The following SGCZ variants were observed in gnomAD, a reference collection of about 807,000 sequenced individuals.
SGCZ encodes sarcoglycan zeta.
Under a neutral mutation model 41.3 loss-of-function variants are expected in SGCZ, and 40 were observed. The ratio of observed to expected loss-of-function variants is 0.97; its 90% CI spans 0.75 to 1.26. The LOEUF (loss-of-function observed/expected upper bound fraction) is 1.26. SGCZ is among the 50% of genes most tolerant of loss of function. SGCZ has a pLI of 0.00. For synonymous variants in SGCZ, 206 were observed against 137.5 expected (o/e 1.50, Z -3.49); for missense variants, 552 against 369.8 (o/e 1.49, Z -4.04).
intron 4 of SGCZ, among the ~76,000 whole-genome samples, chr8:14,184,194 G>A (rs1483540266): frequency 2.1e-5 from 3 of 145,392 alleles, no homozygotes; most frequent in Non-Finnish European, 4.4e-5. Context: ...AATAAGTACT[G>A]ATTTTAGGAT....
At chr8:15,015,656 C>G (rs1264381291) in intron 1 of SGCZ, among the ~76,000 whole-genome samples, 4 of 140,826 alleles carry the variant, frequency 2.8e-5, no homozygotes, top group African/African-American at 5.3e-5. Flanking sequence ...CCACTGCACT[C>G]CAGCGTAGGC....
chr8:14,697,292 C>T (rs912955386), intron 1 of SGCZ, among the ~76,000 whole-genome samples: 1 of 152,044 alleles, frequency 6.6e-6, no homozygotes, highest in Non-Finnish European at 1.5e-5. Context: ...GCAAATCTCT[C>T]TGAGCCTGTT....
chr8:14,468,391 T>C (rs1801111794), intron 2 of SGCZ, among the ~76,000 whole-genome samples: 1 of 152,114 alleles, frequency 6.6e-6, no homozygotes, highest in African/African-American at 2.4e-5. Context: ...TTATTTTAAA[T>C]ATCTTGCTCT....
At chr8:14,562,995 A>C (rs1804252569) in intron 1 of SGCZ, among the ~76,000 whole-genome samples, 1 of 152,178 alleles carries the variant, frequency 6.6e-6, no homozygotes, top group Non-Finnish European at 1.5e-5. Flanking sequence ...AATTATTATA[A>C]TCCAAAGAGA....
chr8:14,128,909 T>C (rs761666984), intron 5 of SGCZ, among the ~76,000 whole-genome samples: 21 of 152,144 alleles, frequency 1.4e-4, no homozygotes, highest in Non-Finnish European at 2.1e-4. Context: ...AGTGGAATAA[T>C]TGACAATAGA....
chr8:14,192,221 T>G (rs930748121), intron 4 of SGCZ, among the ~76,000 whole-genome samples: 1 of 152,038 alleles, frequency 6.6e-6, no homozygotes, highest in African/African-American at 2.4e-5. Context: ...TCTTTTTATT[T>G]AGCAATTATT....
intron 1 of SGCZ, among the ~76,000 whole-genome samples, chr8:14,851,413 G>C (rs567324181): frequency 3.7e-5 from 5 of 135,796 alleles, no homozygotes; most frequent in African/African-American, 1.1e-4. Flanking sequence ...AAAGAAAAAA[G>C]TATTCAAGGT....
At chr8:15,223,848 T>C (rs1377309444) in intron 1 of SGCZ, among the ~76,000 whole-genome samples, 1 of 138,804 alleles carries the variant, frequency 7.2e-6, no homozygotes, top group Non-Finnish European at 1.5e-5. Context: ...AAAAGCTCCT[T>C]TTTAAATTTT....
intron 3 of SGCZ, among the ~76,000 whole-genome samples, chr8:14,283,763 A>G (rs1800528407): frequency 6.6e-6 from 1 of 152,220 alleles, no homozygotes; most frequent in African/African-American, 2.4e-5. Context: ...GGTCTCTATC[A>G]TAACTACTCT....
chr8:15,094,213 C>G (rs920536530), intron 1 of SGCZ, among the ~76,000 whole-genome samples: 1 of 152,036 alleles, frequency 6.6e-6, no homozygotes, highest in Non-Finnish European at 1.5e-5. Context: ...TGGCTCACTG[C>G]TAACTCTACC....
chr8:14,358,639 T>C (rs1463586415), intron 2 of SGCZ, among the ~76,000 whole-genome samples: 6 of 151,942 alleles, frequency 3.9e-5, no homozygotes, highest in Non-Finnish European at 7.4e-5. Flanking sequence ...TGAGATGGAG[T>C]CTTGCTCTGC....
intron 2 of SGCZ, among the ~76,000 whole-genome samples, chr8:14,478,627 T>A (rs892488456): frequency 1.3e-4 from 20 of 152,224 alleles, no homozygotes; most frequent in Non-Finnish European, 2.9e-4. Flanking sequence ...TCAGATTTTT[T>A]AAAAAATGAA....
At chr8:14,452,305 G>C (rs1025528270) in intron 2 of SGCZ, among the ~76,000 whole-genome samples, 2 of 152,064 alleles carry the variant, frequency 1.3e-5, no homozygotes, top group African/African-American at 4.8e-5. Flanking sequence ...GGGGTGAGGG[G>C]AGGGACGAAT....
chr8:14,556,894 T>C (rs1585077428), intron 1 of SGCZ, among the ~76,000 whole-genome samples: 1 of 152,072 alleles, frequency 6.6e-6, no homozygotes, highest in African/African-American at 2.4e-5. Flanking sequence ...GCTATAAACA[T>C]GAAAGTGAAG....
intron 3 of SGCZ, among the ~76,000 whole-genome samples, chr8:14,241,367 AAGT>A (rs1445059225): frequency 2.7e-5 from 4 of 150,494 alleles, no homozygotes; most frequent in Non-Finnish European, 5.9e-5. Context: ...AAAAGTAAGA[AAGT>A]AGTTAATATA....
In SGCZ at chr8:14,648,770, C is replaced by A. The variant is rs567116127; in HGVS notation, c.40-93844G>T. 2.0e-5 allele frequency among the ~76,000 whole-genome samples: 3 copies of A among 151,930 alleles called. No homozygotes were observed. In the South Asian group the frequency reaches 6.2e-4, roughly 32 times the overall value. On this transcript the variant is annotated intron_variant, in intron 1 of 7. Transcript: ENST00000382080. ...ATCATAGTTCAGACTACATAAAAACCAATAATAAACAAAAACCAATAATAT... is the reference window on the plus strand; with the variant it reads ...ATCATAGTTCAGACTACATAAAAACAAATAATAAACAAAAACCAATAATAT...
rs116677747 is a variant in SGCZ, at chr8:14,426,544, G to A, written c.235-102340C>T. Among the ~76,000 whole-genome samples the A allele has an allele frequency of 8.6e-3, 1,311 of 152,168 alleles. 20 individuals are homozygous for A. Among genetic ancestry groups the A allele is most frequent in the African/African-American group, 0.028 (1,155 of 41,500 alleles). Reference sequence around the variant, plus strand: ...CAGTTATGACCAGGAGAGAAATGACGACAGAGATGAAAGCGATCATACGCC... The same window carrying A: ...CAGTTATGACCAGGAGAGAAATGACAACAGAGATGAAAGCGATCATACGCC... On this transcript the variant is annotated intron_variant, in intron 2 of 7. Transcript: ENST00000382080.
intron 4 of SGCZ, among the ~76,000 whole-genome samples, chr8:14,217,240 G>C (rs911350066): frequency 1.4e-5 from 2 of 145,148 alleles, no homozygotes; most frequent in South Asian, 2.2e-4. Flanking sequence ...AGGTTGCAGT[G>C]AGCCGAGATT....
chr8:14,657,688 G>A (rs1037949471), intron 1 of SGCZ, among the ~76,000 whole-genome samples: 5 of 151,440 alleles, frequency 3.3e-5, no homozygotes, highest in Admixed American at 6.6e-5. Flanking sequence ...GTTCCAAAAC[G>A]TGTCTCTCTG....
Sources: gnomAD v4.1 joint callset for allele counts (sites outside exome capture counted in the v4.1 genomes callset) on GRCh38, gnomAD v4.1.1 for gene constraint, MANE v1.5 for transcripts, NCBI Gene and HGNC (gene_info 2026-07-23, HGNC 2026-07-21) for gene names.